The following LRBA variants were observed in gnomAD, a reference collection of about 807,000 sequenced individuals.
LRBA encodes lipopolysaccharide-responsive and beige-like anchor protein.
Under a neutral mutation model 330.0 loss-of-function variants are expected in LRBA, and 176 were observed. That is an observed-to-expected ratio of 0.53 (90% CI 0.47 to 0.60). LRBA has a LOEUF of 0.60. Among genes scored for constraint, LRBA ranks in the 20% least tolerant of loss-of-function variants. The pLI, the probability that LRBA is intolerant of heterozygous loss-of-function variation, is 0.00. For synonymous variants in LRBA, 1,230 were observed against 1,193.0 expected (o/e 1.03, Z -0.64); for missense variants, 3,259 against 3,444.8 (o/e 0.95, Z 1.35).
chr4:150,569,484 G>C lies in LRBA; in HGVS notation c.6330+18564C>G, dbSNP rs920266059. On this transcript the variant is annotated intron_variant, in intron 40 of 56. Coordinates refer to ENST00000651943, the MANE Select transcript of LRBA (RefSeq NM_001364905.1). ...CCCATCAATGATTTGTTCAGCTTGC[G>C]TAAGTCACAACTGATTGGACACAGT... Among the ~76,000 whole-genome samples the C allele has an allele frequency of 4.6e-5, 7 of 152,178 alleles. No individual in the cohort carries two copies. In the South Asian group the frequency reaches 1.0e-3, roughly 23 times the overall value.
intron 22 of LRBA, among the ~76,000 whole-genome samples, chr4:150,864,733 G>A (rs1579035032): frequency 6.9e-6 from 1 of 145,334 alleles, no homozygotes; most frequent in African/African-American, 2.6e-5. Context: ...TGCAACCTCT[G>A]CCTCCTGGGT....
chr4:150,648,577 A>T (rs1457097849), intron 37 of LRBA, among the ~76,000 whole-genome samples: 1 of 151,120 alleles, frequency 6.6e-6, no homozygotes, highest in Non-Finnish European at 1.5e-5. Flanking sequence ...TTTCTAAATT[A>T]CCCCAGAAAG....
chr4:150,336,300 T>C (rs1017422021), intron 48 of LRBA, among the ~76,000 whole-genome samples: 73 of 152,202 alleles, frequency 4.8e-4, no homozygotes, highest in African/African-American at 1.7e-3. Flanking sequence ...ATTAATTTTG[T>C]TAATATTGAG....
intron 37 of LRBA, among the ~76,000 whole-genome samples, chr4:150,617,550 G>A (rs1194207160): frequency 6.6e-6 from 1 of 152,134 alleles, no homozygotes. Context: ...GCTGAGGCAG[G>A]AGAATCGCTT....
chr4:150,849,121 G>T, intron 25 of LRBA, 123 bp from the exon 26 acceptor site: 1 of 653,800 alleles, frequency 1.5e-6, no homozygotes, highest in Non-Finnish European at 2.6e-6. Context: ...GTAACACAGA[G>T]TGATTTATAC....
intron 40 of LRBA, among the ~76,000 whole-genome samples, chr4:150,525,828 C>G (rs1763408197): frequency 6.6e-6 from 1 of 152,100 alleles, no homozygotes; most frequent in Non-Finnish European, 1.5e-5. Flanking sequence ...AAAGCCGTTA[C>G]AGACATACAT....
intron 44 of LRBA, among the ~76,000 whole-genome samples, chr4:150,443,788 T>C (rs1434932595): frequency 6.7e-6 from 1 of 149,486 alleles, no homozygotes; most frequent in East Asian, 2.0e-4. Flanking sequence ...ATGGCACATG[T>C]ATACATATGT....
intron 37 of LRBA, among the ~76,000 whole-genome samples, chr4:150,637,603 T>C (rs755493208): frequency 6.6e-6 from 1 of 152,188 alleles, no homozygotes; most frequent in African/African-American, 2.4e-5. Flanking sequence ...ATGGCTTTGA[T>C]GAAGCAAGTA....
At chr4:150,599,818 T>C (rs552477853) in intron 37 of LRBA, among the ~76,000 whole-genome samples, 116 of 152,324 alleles carry the variant, frequency 7.6e-4, no homozygotes, top group Non-Finnish European at 9.0e-4. Context: ...TTACTGTTTT[T>C]AAATAAACCA....
chr4:150,627,788 T>C (rs1400106277), intron 37 of LRBA, among the ~76,000 whole-genome samples: 2 of 152,046 alleles, frequency 1.3e-5, no homozygotes, highest in Non-Finnish European at 2.9e-5. Flanking sequence ...TACTGGAATG[T>C]CTTTTTTGCC....
intron 37 of LRBA, among the ~76,000 whole-genome samples, chr4:150,615,263 G>A (rs1417289721): frequency 6.6e-6 from 1 of 152,148 alleles, no homozygotes; most frequent in Non-Finnish European, 1.5e-5. Flanking sequence ...GTTATAACAA[G>A]AATTTGACTT....
At chr4:150,670,911 C>CATTATCTTTCTCCCCCACAATTATTGG (rs1435228921) in intron 37 of LRBA, among the ~76,000 whole-genome samples, 10 of 151,918 alleles carry the variant, frequency 6.6e-5, no homozygotes, top group Admixed American at 6.6e-4. Context: ...ATTTTAGATT[C>CATTATCTTTCTCCCCCACAATTATTGG]ATTATCTTTC....
At chr4:150,833,599 C>G (rs78430086) in intron 28 of LRBA, among the ~76,000 whole-genome samples, 2 of 152,006 alleles carry the variant, frequency 1.3e-5, no homozygotes, top group Non-Finnish European at 2.9e-5. Flanking sequence ...CTAAAAAAAA[C>G]GCACATAATT....
chr4:150,825,699 A>G (rs1560872677), intron 30 of LRBA, among the ~76,000 whole-genome samples: 1 of 152,128 alleles, frequency 6.6e-6, no homozygotes, highest in Non-Finnish European at 1.5e-5. Context: ...CAGTTCTCAT[A>G]TATTTTTCAT....
At chr4:150,571,081 C>T (rs957232936) in intron 40 of LRBA, among the ~76,000 whole-genome samples, 11 of 152,060 alleles carry the variant, frequency 7.2e-5, no homozygotes, top group Non-Finnish European at 1.2e-4. Context: ...AATCTAAGTG[C>T]CTCTCCACAA....
At chr4:150,389,369 AT>A (rs1743548561) in intron 47 of LRBA, among the ~76,000 whole-genome samples, 1 of 151,646 alleles carries the variant, frequency 6.6e-6, no homozygotes, top group Non-Finnish European at 1.5e-5. Flanking sequence ...AAATAAATAA[AT>A]AAATAAATAA....
chr4:150,346,484 G>T (rs1028345569), intron 48 of LRBA, among the ~76,000 whole-genome samples: 3 of 151,772 alleles, frequency 2.0e-5, no homozygotes, highest in African/African-American at 7.3e-5. Context: ...ATCTGTGGCC[G>T]GGTGCGGTGG....
chr4:150,776,806 T>G (rs1259824813), intron 34 of LRBA, among the ~76,000 whole-genome samples: 1 of 151,874 alleles, frequency 6.6e-6, no homozygotes, highest in Non-Finnish European at 1.5e-5. Context: ...TGAGACTCCG[T>G]GTCAAAAAAA....
At chr4:150,600,964 C>G (rs1246935964) in intron 37 of LRBA, among the ~76,000 whole-genome samples, 1 of 152,190 alleles carries the variant, frequency 6.6e-6, no homozygotes, top group East Asian at 1.9e-4. Context: ...TCGTGAATCA[C>G]AGGCTGCTCC....
Sources: gnomAD v4.1 joint callset for allele counts (sites outside exome capture counted in the v4.1 genomes callset) on GRCh38, gnomAD v4.1.1 for gene constraint, MANE v1.5 for transcripts, NCBI Gene and HGNC (gene_info 2026-07-23, HGNC 2026-07-21) for gene names.